THSD4: variants seen among roughly 807,000 people sequenced by gnomAD.
THSD4 encodes thrombospondin type-1 domain-containing protein 4.
A neutral mutation model predicts 119.0 loss-of-function variants in THSD4; 69 were observed. That is an observed-to-expected ratio of 0.58 (90% CI 0.48 to 0.71). The LOEUF (loss-of-function observed/expected upper bound fraction) is 0.71, where lower values mean the gene tolerates loss of function less well. Among genes scored for constraint, THSD4 ranks in the 30% least tolerant of loss-of-function variants. The pLI, the probability that THSD4 is intolerant of heterozygous loss-of-function variation, is 0.00. For missense variants in THSD4, 1,393 were observed against 1,391.1 expected, an observed-to-expected ratio of 1.00 and a Z score of -0.02; for synonymous variants, 524 against 540.4, an observed-to-expected ratio of 0.97 and a Z score of 0.42.
chr15:71,419,621 C>T (rs574755460), intron 7 of THSD4, among the ~76,000 whole-genome samples: 2 of 108,438 alleles, frequency 1.8e-5, no homozygotes, highest in East Asian at 6.1e-4. Context: ...TAAGTATAAA[C>T]ATCCCTCTTA....
intron 7 of THSD4, among the ~76,000 whole-genome samples, chr15:71,443,319 A>G (rs1325410685): frequency 6.6e-6 from 1 of 152,180 alleles, no homozygotes; most frequent in South Asian, 2.1e-4. Flanking sequence ...CTGGTTGCTC[A>G]TAAATGCTGT....
upstream of THSD4, chr15:71,115,426 G>C (rs1224149316): frequency 6.6e-6 from 1 of 152,206 alleles, no homozygotes; most frequent in Non-Finnish European, 1.5e-5. The surrounding 1 kb of genome is among the most constrained non-coding windows in gnomAD (Gnocchi z 4.4). Flanking sequence ...GCCGCAAGAG[G>C]GGAGGGAGGA....
chr15:71,319,117 T>C (rs191834502), intron 6 of THSD4, among the ~76,000 whole-genome samples: 23 of 152,256 alleles, frequency 1.5e-4, no homozygotes, highest in African/African-American at 4.8e-4. Flanking sequence ...TGATCACATT[T>C]GATGACATTT....
chr15:71,375,779 A>G (rs1178995005), intron 6 of THSD4, among the ~76,000 whole-genome samples: 1 of 152,124 alleles, frequency 6.6e-6, no homozygotes, highest in Non-Finnish European at 1.5e-5. Context: ...AGGAATGCAA[A>G]TTCGGGCCTC....
intron 6 of THSD4, among the ~76,000 whole-genome samples, chr15:71,349,587 C>T (rs1367854553): frequency 1.3e-5 from 2 of 152,198 alleles, no homozygotes; most frequent in African/African-American, 4.8e-5. Context: ...CCCTGCTGGG[C>T]TCACCTCTGG....
chr15:71,195,830 A>G (rs1156860644), intron 3 of THSD4, among the ~76,000 whole-genome samples: 1 of 152,170 alleles, frequency 6.6e-6, no homozygotes. Flanking sequence ...CATTCCCTAC[A>G]TGCAGGACAC....
chr15:71,110,962 G>A, upstream of THSD4: 1 of 615,774 alleles, frequency 1.6e-6, no homozygotes. Flanking sequence ...GAAGAAGAAA[G>A]GGAGGCTGTG....
At chr15:71,760,036 G>C (rs568159809) in intron 15 of THSD4, among the ~76,000 whole-genome samples, 1 of 152,256 alleles carries the variant, frequency 6.6e-6, no homozygotes, top group Non-Finnish European at 1.5e-5. Context: ...CTTATTTCTT[G>C]AAAGGTAAGT....
At chr15:71,197,695 G>A (rs2043732316) in intron 3 of THSD4, among the ~76,000 whole-genome samples, 1 of 152,092 alleles carries the variant, frequency 6.6e-6, no homozygotes, top group Non-Finnish European at 1.5e-5. Flanking sequence ...ATTGGCCTTT[G>A]TTCTCCAAGG....
At chr15:71,711,808 GA>G (rs2052522513) in intron 8 of THSD4, among the ~76,000 whole-genome samples, 1 of 151,930 alleles carries the variant, frequency 6.6e-6, no homozygotes, top group South Asian at 2.1e-4. Flanking sequence ...CAAGAATGAA[GA>G]GGCAGATTAC....
Position 71,295,029 on chromosome 15 carries a change from G to A in THSD4, c.1015+38314G>A, listed in dbSNP as rs182489970. ...CTGGGTCCAAGATTGGGGTGGGTGA[G>A]TGGCGCTTGCGTCAGGGAATGTGAG... On this transcript the variant is annotated intron_variant, in intron 6 of 17. Coordinates refer to ENST00000261862, the MANE Select transcript of THSD4 (RefSeq NM_024817.3). Among the ~76,000 whole-genome samples, 4 of 152,106 alleles carry A rather than the reference G, an allele frequency of 2.6e-5. No homozygotes were observed. In the East Asian group the frequency reaches 5.8e-4, roughly 22 times the overall value.
intron 7 of THSD4, among the ~76,000 whole-genome samples, chr15:71,431,534 G>A (rs2046943037): frequency 6.6e-6 from 1 of 152,150 alleles, no homozygotes; most frequent in South Asian, 2.1e-4. Context: ...CAATAATGAT[G>A]CAATCGACAA....
At chr15:71,339,227 C>G (rs906507162) in intron 6 of THSD4, among the ~76,000 whole-genome samples, 1 of 152,066 alleles carries the variant, frequency 6.6e-6, no homozygotes, top group African/African-American at 2.4e-5. Context: ...GTGTTCTATG[C>G]TGAGTTTTTT....
chr15:71,111,012 A>G (rs951238972), upstream of THSD4: 1 of 901,942 alleles, frequency 1.1e-6, no homozygotes, highest in Non-Finnish European at 1.7e-6. Context: ...TTCTGTCTGC[A>G]TGTCCTAAGG....
intron 6 of THSD4, among the ~76,000 whole-genome samples, chr15:71,386,487 T>G (rs2046294826): frequency 2.0e-5 from 3 of 152,054 alleles, no homozygotes; most frequent in Admixed American, 2.0e-4. Context: ...ACTGGGAACC[T>G]CAGAGAAAAG....
chr15:71,542,950 G>GA (rs1402445979), intron 7 of THSD4, among the ~76,000 whole-genome samples: 1 of 151,892 alleles, frequency 6.6e-6, no homozygotes, highest in Admixed American at 6.6e-5. Flanking sequence ...TAGTCCTGAA[G>GA]AGCATCAAGG....
chr15:71,130,052 A>C (rs1260024995), intron 1 of THSD4, among the ~76,000 whole-genome samples: 1 of 152,200 alleles, frequency 6.6e-6, no homozygotes, highest in African/African-American at 2.4e-5. Flanking sequence ...GGCAGAGCAC[A>C]ACCTCACACC....
intron 6 of THSD4, among the ~76,000 whole-genome samples, chr15:71,276,694 T>A (rs1351131207): frequency 6.6e-6 from 1 of 152,364 alleles, no homozygotes; most frequent in Admixed American, 6.5e-5. Flanking sequence ...GCTTCATAAA[T>A]GTTTACAATA....
intron 7 of THSD4, among the ~76,000 whole-genome samples, chr15:71,636,943 G>T (rs4777426): frequency 6.6e-6 from 1 of 151,462 alleles, no homozygotes; most frequent in African/African-American, 2.4e-5. Flanking sequence ...GGAGTGCAGT[G>T]GTGTGATCTC....
Sources: gnomAD v4.1 joint callset for allele counts (sites outside exome capture counted in the v4.1 genomes callset) on GRCh38, gnomAD v4.1.1 for gene constraint, Gnocchi (gnomAD v3.1) non-coding constraint, MANE v1.5 for transcripts, NCBI Gene and HGNC (gene_info 2026-07-23, HGNC 2026-07-21) for gene names.